ACVR2B: variants seen among roughly 807,000 people sequenced by gnomAD.
ACVR2B encodes the protein activin receptor type-2B.
ACVR2B carries 18 observed loss-of-function variants against 65.1 expected under a neutral mutation model. That is an observed-to-expected ratio of 0.28 (90% CI 0.19 to 0.41). The LOEUF is 0.41. ACVR2B is among the 10% of genes least tolerant of loss of function. The probability of loss-of-function intolerance (pLI) is 1.00; values close to 1 mark genes in which losing one functional copy is unlikely to be tolerated. For missense variants in ACVR2B, 482 were observed against 682.7 expected (o/e 0.71, Z 3.28); for synonymous variants, 298 against 277.7 (o/e 1.07, Z -0.73).
chr3:38,476,136 C>T (rs574535783), intron 1 of ACVR2B: 2 of 152,406 alleles, frequency 1.3e-5, no homozygotes, highest in African/African-American at 4.8e-5. Flanking sequence ...CATACTCTTT[C>T]CTATGTCAGG....
intron 1 of ACVR2B, among the ~76,000 whole-genome samples, chr3:38,460,242 T>G (rs1709621044): frequency 6.9e-6 from 1 of 144,722 alleles, no homozygotes; most frequent in Non-Finnish European, 1.5e-5. Context: ...CACCCCCTTG[T>G]TCTGGGCTTT....
intron 1 of ACVR2B, among the ~76,000 whole-genome samples, chr3:38,466,738 C>T (rs574734): frequency 2.0e-4 from 31 of 152,148 alleles, no homozygotes; most frequent in African/African-American, 7.0e-4. Context: ...CTCCTGACCT[C>T]GTGATCCACC....
chr3:38,470,903 G>A (rs190733222), intron 1 of ACVR2B, among the ~76,000 whole-genome samples: 1 of 152,002 alleles, frequency 6.6e-6, no homozygotes, highest in South Asian at 2.1e-4. Flanking sequence ...TAGAGGTAAC[G>A]GTAGAAAAGA....
chr3:38,455,166 C>T (rs1390834200), intron 1 of ACVR2B, among the ~76,000 whole-genome samples: 1 of 152,064 alleles, frequency 6.6e-6, no homozygotes, highest in Non-Finnish European at 1.5e-5. Context: ...GGTATGTGGG[C>T]GCGGGCGTAA....
intron 1 of ACVR2B, chr3:38,454,747 G>A: frequency 5.4e-6 from 1 of 185,370 alleles, no homozygotes; most frequent in Non-Finnish European, 1.1e-5. Flanking sequence ...ATTGGGGGTG[G>A]CAGGATTGTA....
At chr3:38,463,143 G>C (rs1419485105) in intron 1 of ACVR2B, among the ~76,000 whole-genome samples, 1 of 152,170 alleles carries the variant, frequency 6.6e-6, no homozygotes, top group East Asian at 1.9e-4. Context: ...TGGGTACTGT[G>C]CTGATGAGGG....
Position 38,454,259 on chromosome 3 carries a change from C to T in ACVR2B, c.-64C>T, listed in dbSNP as rs1709501550. The T allele has an allele frequency of 8.5e-7, 1 of 1,170,130 alleles. No homozygotes were observed. The highest frequency in any genetic ancestry group is 3.3e-5 in the South Asian group (1 of 30,416). 72.5% of individuals were successfully genotyped at this position (1,170,130 alleles called of 1,614,324 possible). A position where few individuals can be genotyped will look rare whatever the true frequency, so the allele number is the denominator to read the frequency against. On this transcript the variant is annotated 5_prime_UTR_variant, in exon 1 of 11. Transcript: ENST00000352511. ...CGCAGCCGCCGCCTGGCCCTGCGCG[C>T]CCCGGGAGCGCCGTGCGGCCCTGCC... is the stretch of plus-strand genomic sequence containing the variant.
chr3:38,462,869 T>C (rs1185694656), intron 1 of ACVR2B, among the ~76,000 whole-genome samples: 1 of 152,196 alleles, frequency 6.6e-6, no homozygotes, highest in Non-Finnish European at 1.5e-5. Flanking sequence ...TTTATTTATT[T>C]ATTTTTTGAG....
At chr3:38,479,978 T>G in intron 7 of ACVR2B, 152 bp downstream of exon 7, 39 of 1,031,176 alleles carry the variant, frequency 3.8e-5, no homozygotes, top group Non-Finnish European at 4.7e-5. Flanking sequence ...AAACCTGGCC[T>G]TCCCACTGTG....
intron 1 of ACVR2B, chr3:38,476,859 CGATGTG>C: frequency 3.6e-6 from 1 of 275,966 alleles, no homozygotes; most frequent in Non-Finnish European, 7.0e-6. Context: ...ACAGTGATTC[CGATGTG>C]CACTGGGGTT....
In ACVR2B at chr3:38,466,482, C is replaced by T. The variant is rs534929935; in HGVS notation, c.53-10805C>T. Among the ~76,000 whole-genome samples, 174 of 150,824 alleles carry T rather than the reference C, an allele frequency of 1.2e-3. 1 individual carries two copies. Among genetic ancestry groups the T allele is most frequent in the African/African-American group, 3.6e-3 (148 of 41,206 alleles). The stretch of plus-strand genomic sequence containing the variant: ...ACCCCATAAATATGTACAGTTATTA[C>T]GTGTCAATTTTTAAACCAAAACTTC... On this transcript the variant is annotated intron_variant, in intron 1 of 10. Coordinates refer to ENST00000352511, the MANE Select transcript of ACVR2B (RefSeq NM_001106.4).
At position 38,486,987 on chromosome 3, in the gene ACVR2B, GT is replaced by G. The variant is rs1383022523; in HGVS notation, c.*3656del. ...GCTGGGTTTTCTCCTGGGACCATTG[GT>G]CCTCAGCAGGAGTTCTTTGCATGAG... On this transcript the variant is annotated 3_prime_UTR_variant, in exon 11 of 11. Transcript: ENST00000352511. 2.6e-5 allele frequency: 4 copies of G among 152,334 alleles called. No homozygotes were observed. Among genetic ancestry groups the G allele is most frequent in the African/African-American group, 9.6e-5 (4 of 41,462 alleles). 9.4% of individuals were successfully genotyped at this position (152,334 alleles called of 1,614,324 possible). A position where few individuals can be genotyped will look rare whatever the true frequency, so the allele number is the denominator to read the frequency against.
rs1488244844 is a variant in ACVR2B at position 38,483,002 on chromosome 3, G to C, written c.1345-136G>C. On this transcript the variant is annotated intron_variant, in intron 10 of 10. Transcript: ENST00000352511. This position sits in a 1 kb window ranked among gnomAD's most constrained non-coding sequence, Gnocchi z 4.8. ...TGAAGTTTTCCCCAGGCCTCTGCTG[G>C]TGGACCTGCTGCTGTGGTTGGGGCT... 2 of 974,356 alleles carry C rather than the reference G, an allele frequency of 2.1e-6. No homozygotes were observed. Among genetic ancestry groups the C allele is most frequent in the Non-Finnish European group, 1.6e-6 (1 of 607,160 alleles). 60.4% of individuals were successfully genotyped at this position (974,356 alleles called of 1,614,324 possible).
chr3:38,456,918 T>A (rs1411400026), intron 1 of ACVR2B, among the ~76,000 whole-genome samples: 1 of 152,160 alleles, frequency 6.6e-6, no homozygotes. Flanking sequence ...CAATAGTATA[T>A]TTTACTGGCC....
intron 7 of ACVR2B, among the ~76,000 whole-genome samples, 179 bp downstream of exon 7, chr3:38,480,005 G>A (rs1478327931): frequency 6.6e-6 from 1 of 152,166 alleles, no homozygotes; most frequent in Non-Finnish European, 1.5e-5. Flanking sequence ...GGATGGCATG[G>A]CCTCCCAAGC....
chr3:38,454,579 A>G (rs995552467), intron 1 of ACVR2B: 6 of 388,072 alleles, frequency 1.5e-5, no homozygotes, highest in African/African-American at 1.1e-4. Context: ...CTGTGCAGTC[A>G]TCTGCGGGAT....
chr3:38,468,731 GTGA>G (rs1709772887), intron 1 of ACVR2B, among the ~76,000 whole-genome samples: 1 of 152,222 alleles, frequency 6.6e-6, no homozygotes, highest in Non-Finnish European at 1.5e-5. Context: ...AGGAGTCTGT[GTGA>G]TCAGTTACCA....
chr3:38,461,386 C>A (rs950966877), intron 1 of ACVR2B, among the ~76,000 whole-genome samples: 1 of 152,138 alleles, frequency 6.6e-6, no homozygotes, highest in Non-Finnish European at 1.5e-5. Context: ...CAAGAGGTCC[C>A]GCTTCTCTGT....
chr3:38,460,396 T>C (rs1453745281), intron 1 of ACVR2B, among the ~76,000 whole-genome samples: 2 of 152,192 alleles, frequency 1.3e-5, no homozygotes, highest in Non-Finnish European at 2.9e-5. Context: ...CTGACTCTAT[T>C]ACATTGCTCA....
Sources: allele counts gnomAD v4.1 joint callset (sites outside exome capture counted in the v4.1 genomes callset), GRCh38; gene constraint gnomAD v4.1.1; non-coding constraint Gnocchi (gnomAD v3.1); transcripts MANE v1.5; gene names NCBI Gene and HGNC (gene_info 2026-07-23, HGNC 2026-07-21).